The following UBN2 variants were observed in gnomAD, a reference collection of about 807,000 sequenced individuals.
UBN2 encodes ubinuclein-2.
A neutral mutation model predicts 120.2 loss-of-function variants in UBN2; 35 were observed. The ratio of observed to expected loss-of-function variants is 0.29; its 90% confidence interval spans 0.22 to 0.39. The LOEUF (loss-of-function observed/expected upper bound fraction) is 0.39, where lower values mean the gene tolerates loss of function less well. UBN2 is among the 10% of genes least tolerant of loss of function. UBN2 has a pLI of 1.00. For synonymous variants in UBN2, 661 were observed against 648.7 expected, an observed-to-expected ratio of 1.02 and a Z score of -0.29; for missense variants, 1,693 against 1,663.2, an observed-to-expected ratio of 1.02 and a Z score of -0.31.
chr7:139,323,427 G>A, the UBN2 span, among the ~76,000 whole-genome samples: 1 of 152,042 alleles, frequency 6.6e-6, no homozygotes, highest in Non-Finnish European at 1.5e-5. Flanking sequence ...GCTGCCCTGA[G>A]GTTCACAGCA....
intron 2 of UBN2, among the ~76,000 whole-genome samples, chr7:139,239,251 G>T (rs1471462121): frequency 6.6e-6 from 1 of 151,968 alleles, no homozygotes; most frequent in Non-Finnish European, 1.5e-5. Context: ...ATTTGGGGGG[G>T]TCATATCAGG....
Position 139,283,257 on chromosome 7 carries a change from T to G in UBN2, c.2352T>G (p.Pro784=), listed in dbSNP as rs1585022087. 6.2e-7 allele frequency: 1 copy of G among 1,613,594 alleles called. No individual in the cohort carries two copies. Among genetic ancestry groups the G allele is most frequent in the Non-Finnish European group, 8.5e-7 (1 of 1,179,964 alleles). Residue 784 remains proline, a synonymous_variant, in exon 15 of 18, where the codon CCT becomes CCG. Transcript: ENST00000473989. The part of the protein sequence containing the change: ...LAVINNGNKG[P]PVGSRISMPT... ...TTATCAACAATGGGAACAAGGGCCC[T>G]CCAGTTGGCTCAAGGATAAGCATGC...
chr7:139,254,506 T>C (rs1796707788), intron 3 of UBN2, among the ~76,000 whole-genome samples: 1 of 152,212 alleles, frequency 6.6e-6, no homozygotes, highest in Non-Finnish European at 1.5e-5. Context: ...TAGATTGTAA[T>C]CTTAATTCAG....
At position 139,306,265 on chromosome 7, in the gene UBN2, T is replaced by A. The variant is rs1798357194; in HGVS notation, c.*8429T>A. On this transcript the variant is annotated 3_prime_UTR_variant, in exon 18 of 18. Coordinates refer to ENST00000473989, the MANE Select transcript of UBN2 (RefSeq NM_173569.4). Reference sequence around the variant, plus strand: ...TGTCAGATCTTAACTATCTTGTGTTTGCTGTGCTTGCAGCCATAAGCTTTC... The same window carrying A: ...TGTCAGATCTTAACTATCTTGTGTTAGCTGTGCTTGCAGCCATAAGCTTTC... 6.6e-6 allele frequency: 1 copy of A among 152,238 alleles called. No individual in the cohort carries two copies. The highest frequency in any genetic ancestry group is 6.5e-5 in the Admixed American group (1 of 15,282). 9.4% of individuals were successfully genotyped at this position (152,238 alleles called of 1,614,324 possible). A position where few individuals can be genotyped will look rare whatever the true frequency, so the allele number is the denominator to read the frequency against.
intron 5 of UBN2, 147 bp from the exon 6 acceptor site, chr7:139,261,105 T>C: frequency 1.1e-6 from 1 of 909,240 alleles, no homozygotes. Context: ...AAGAAGGTGC[T>C]ATTGTAATAG....
chr7:139,264,927 T>G (rs905270433), intron 6 of UBN2, among the ~76,000 whole-genome samples: 8 of 152,168 alleles, frequency 5.3e-5, no homozygotes, highest in Non-Finnish European at 1.0e-4. Flanking sequence ...GTAGATATTT[T>G]TGGGGTACAT....
intron 15 of UBN2, among the ~76,000 whole-genome samples, chr7:139,289,343 G>A (rs1023344443): frequency 6.6e-6 from 1 of 151,760 alleles, no homozygotes; most frequent in Non-Finnish European, 1.5e-5. Context: ...GACAGTTATG[G>A]CATAGTATCA....
intron 7 of UBN2, among the ~76,000 whole-genome samples, chr7:139,267,913 G>A (rs555511706): frequency 9.9e-5 from 15 of 152,108 alleles, no homozygotes; most frequent in Non-Finnish European, 2.9e-5. Flanking sequence ...TTAAAACCCC[G>A]GACTCAGTGA....
At chr7:139,266,266 T>C in intron 6 of UBN2, 67 bp from the exon 7 acceptor site, 1 of 918,736 alleles carries the variant, frequency 1.1e-6, no homozygotes, top group Non-Finnish European at 1.7e-6. Context: ...TTTGAACACG[T>C]GTCCTAAGAA....
the UBN2 span, among the ~76,000 whole-genome samples, chr7:139,328,879 AG>A: frequency 2.0e-5 from 3 of 151,926 alleles, no homozygotes; most frequent in African/African-American, 7.2e-5. Context: ...AAAAAGGAAA[AG>A]AAATTAGAAA....
Position 139,266,423 on chromosome 7 carries a change from A to G in UBN2, c.1466+20A>G. ...TCTGGAGTAAGTAATTTTCTTTAAA[A>G]AAAAAAACCTTAAGAATGATACATT... On this transcript the variant is annotated intron_variant, in intron 7 of 17. Transcript: ENST00000473989. 7.2e-7 allele frequency: 1 copy of G among 1,389,304 alleles called. No homozygotes were observed. The highest frequency in any genetic ancestry group is 1.0e-6 in the Non-Finnish European group (1 of 1,002,978). 86.1% of individuals were successfully genotyped at this position (1,389,304 alleles called of 1,614,324 possible).
In UBN2 at chr7:139,302,608, C is replaced by T. The variant is rs2131088190; in HGVS notation, c.*4772C>T. The T allele has an allele frequency of 6.6e-6, 1 of 152,350 alleles. No individual in the cohort carries two copies. The highest frequency in any genetic ancestry group is 6.5e-5 in the Admixed American group (1 of 15,288). The allele number at this position is 152,350 out of a possible 1,614,324, so 9.4% of individuals were successfully genotyped here. ...GCTGAGGCAGGAGAATGACATAAAC[C>T]CGGGAGGCGGAAGTTGCAGTGAGCT... On this transcript the variant is annotated 3_prime_UTR_variant, in exon 18 of 18. Coordinates refer to ENST00000473989, the MANE Select transcript of UBN2 (RefSeq NM_173569.4).
the UBN2 span, among the ~76,000 whole-genome samples, chr7:139,324,541 G>A: frequency 1.4e-5 from 2 of 140,250 alleles, no homozygotes; most frequent in East Asian, 4.1e-4. Flanking sequence ...GGGAGACAGA[G>A]GGAGACTCCA....
chr7:139,235,113 A>G (rs1209763212), intron 1 of UBN2, among the ~76,000 whole-genome samples: 1 of 152,226 alleles, frequency 6.6e-6, no homozygotes, highest in East Asian at 1.9e-4. Context: ...AATACATAAA[A>G]TATTTTAGAA....
At chr7:139,274,174 G>A in intron 11 of UBN2, 100 bp downstream of exon 11, 1 of 1,221,022 alleles carries the variant, frequency 8.2e-7, no homozygotes, top group Non-Finnish European at 1.1e-6. Context: ...ATTTTGCTAA[G>A]AACCTAATAT....
At position 139,300,648 on chromosome 7, in the gene UBN2, C is replaced by T. The variant is rs553219757; in HGVS notation, c.*2812C>T. 1 of 152,308 alleles carries T rather than the reference C, an allele frequency of 6.6e-6. No homozygotes were observed. The highest frequency in any genetic ancestry group is 2.1e-4 in the South Asian group (1 of 4,834). 9.4% of individuals were successfully genotyped at this position (152,308 alleles called of 1,614,324 possible). ...AGCAACATCCAAATGCAAAAATAAT[C>T]AGCACACATGATTATATCCCACTCC... On this transcript the variant is annotated 3_prime_UTR_variant, in exon 18 of 18. Transcript: ENST00000473989.
chr7:139,294,840 C>CA lies in UBN2; in HGVS notation c.3994+869dup, dbSNP rs1012392638. On this transcript the variant is annotated intron_variant, in intron 17 of 17. Transcript: ENST00000473989. Reference sequence around the variant, plus strand: ...TGTGCAACAGAGTAAGACTCCGTCTCAAAAAAAAAATTAATATGATCCAAG... The same window carrying CA: ...TGTGCAACAGAGTAAGACTCCGTCTCAAAAAAAAAAATTAATATGATCCAAG... 2.1e-4 allele frequency among the ~76,000 whole-genome samples: 32 copies of CA among 149,760 alleles called. No individual in the cohort carries two copies. In the East Asian group the frequency reaches 2.1e-3, roughly 10 times the overall value.
intron 2 of UBN2, among the ~76,000 whole-genome samples, chr7:139,251,690 A>G (rs1758748112): frequency 6.6e-6 from 1 of 152,198 alleles, no homozygotes; most frequent in African/African-American, 2.4e-5. Flanking sequence ...AGTCAGTATG[A>G]TGTATCCCTG....
At chr7:139,329,599 A>G in the UBN2 span, among the ~76,000 whole-genome samples, 2 of 152,266 alleles carry the variant, frequency 1.3e-5, no homozygotes, top group South Asian at 2.1e-4. Context: ...ATTCTAAGCC[A>G]TAGGAGTTTT....
Sources: gnomAD v4.1 joint callset for allele counts (sites outside exome capture counted in the v4.1 genomes callset) on GRCh38, gnomAD v4.1.1 for gene constraint, MANE v1.5 for transcripts, NCBI Gene and HGNC (gene_info 2026-07-23, HGNC 2026-07-21) for gene names.